The following MEI4 variants were observed in gnomAD, a reference collection of about 807,000 sequenced individuals.
MEI4 encodes meiosis-specific protein MEI4.
In MEI4, 27 loss-of-function variants were observed where a neutral mutation model predicts 31.4. The observed-to-expected ratio is 0.86, with a 90% CI of 0.63 to 1.19. MEI4 has a LOEUF of 1.19. Among genes scored for constraint, MEI4 ranks in the 50% most tolerant of loss-of-function variants. MEI4 has a pLI of 0.00. For missense variants in MEI4, 329 were observed against 398.9 expected (o/e 0.82, Z 1.49); for synonymous variants, 122 against 145.4 (o/e 0.84, Z 1.16).
intron 2 of MEI4, among the ~76,000 whole-genome samples, chr6:77,744,363 G>T (rs531153687): frequency 3.5e-4 from 53 of 152,158 alleles, no homozygotes; most frequent in African/African-American, 1.3e-3. Flanking sequence ...GGAAGAAAGG[G>T]TATCAGTGAT....
intron 4 of MEI4, among the ~76,000 whole-genome samples, chr6:77,901,882 T>C (rs914839242): frequency 6.6e-6 from 1 of 152,134 alleles, no homozygotes; most frequent in African/African-American, 2.4e-5. Context: ...AGTTGATTTT[T>C]GTATATGGTG....
chr6:77,678,252 T>A (rs916252042), intron 1 of MEI4, among the ~76,000 whole-genome samples: 2 of 152,232 alleles, frequency 1.3e-5, no homozygotes, highest in African/African-American at 4.8e-5. Flanking sequence ...AGATGTCCCT[T>A]CTGCTGCTAT....
intron 1 of MEI4, among the ~76,000 whole-genome samples, chr6:77,686,254 G>A (rs1769051749): frequency 6.6e-6 from 1 of 152,062 alleles, no homozygotes; most frequent in Non-Finnish European, 1.5e-5. Flanking sequence ...TTATTGCAGT[G>A]CAAAATGGAC....
Position 77,812,609 on chromosome 6 carries a change from C to T in MEI4, c.769-16322C>T, listed in dbSNP as rs573780140. On this transcript the variant is annotated intron_variant, in intron 3 of 4. Transcript: ENST00000684080. ...TCATGGGTGATACAAAGTTTGACTC[C>T]TTGATGGTGGAGGGCTGGAGAGCTT... Among the ~76,000 whole-genome samples the T allele has an allele frequency of 2.6e-5, 4 of 152,158 alleles. No homozygotes were observed. The East Asian group carries it at 7.7e-4, about 29-fold the overall frequency.
chr6:77,768,567 G>T (rs557917592), intron 3 of MEI4, among the ~76,000 whole-genome samples: 1 of 152,004 alleles, frequency 6.6e-6, no homozygotes, highest in African/African-American at 2.4e-5. Flanking sequence ...AGACATGGTG[G>T]CATGCACCTG....
chr6:77,824,263 T>C (rs993776635), intron 3 of MEI4, among the ~76,000 whole-genome samples: 2 of 152,188 alleles, frequency 1.3e-5, no homozygotes, highest in African/African-American at 4.8e-5. Flanking sequence ...CTAATTTTTG[T>C]ATTTTTAGTA....
chr6:77,708,168 C>T (rs1766372869), intron 2 of MEI4, among the ~76,000 whole-genome samples: 1 of 152,336 alleles, frequency 6.6e-6, no homozygotes, highest in South Asian at 2.1e-4. Context: ...AGGCACTCAA[C>T]TCTAACCAGT....
chr6:77,740,814 A>G (rs1767381251), intron 2 of MEI4, among the ~76,000 whole-genome samples: 2 of 151,760 alleles, frequency 1.3e-5, no homozygotes, highest in African/African-American at 4.8e-5. Flanking sequence ...ATATATTTTG[A>G]AAAAAATATA....
intron 2 of MEI4, among the ~76,000 whole-genome samples, chr6:77,728,190 AT>A (rs1409187461): frequency 6.6e-6 from 1 of 152,186 alleles, no homozygotes; most frequent in African/African-American, 2.4e-5. Flanking sequence ...TTAAAAAAAT[AT>A]TTTTCAATAC....
At chr6:77,859,485 A>T (rs1403915510) in intron 4 of MEI4, among the ~76,000 whole-genome samples, 1 of 152,192 alleles carries the variant, frequency 6.6e-6, no homozygotes, top group Non-Finnish European at 1.5e-5. Flanking sequence ...TCCCACCAAC[A>T]GTGTAAAAGC....
chr6:77,708,427 G>A (rs142809947), intron 2 of MEI4, among the ~76,000 whole-genome samples: 2 of 152,328 alleles, frequency 1.3e-5, no homozygotes, highest in East Asian at 3.9e-4. Context: ...ATAGGTAGAA[G>A]GAACTTGTCT....
At chr6:77,786,745 T>A (rs946787261) in intron 3 of MEI4, among the ~76,000 whole-genome samples, 3 of 152,174 alleles carry the variant, frequency 2.0e-5, no homozygotes, top group African/African-American at 7.2e-5. Flanking sequence ...AAAGCTTCTT[T>A]ATGCCATTAG....
intron 4 of MEI4, among the ~76,000 whole-genome samples, chr6:77,872,626 A>G (rs62425092): frequency 0.28 from 42,756 of 150,630 alleles, 6,710 homozygotes; most frequent in South Asian, 0.38. Context: ...CATGTGCACA[A>G]TGTGCAGGTT....
rs963768810 is a variant in MEI4 at position 77,736,202 on chromosome 6, G to A, written c.233-24928G>A. 3.3e-5 allele frequency among the ~76,000 whole-genome samples: 5 copies of A among 152,042 alleles called. No homozygotes were observed. In the East Asian group the frequency reaches 9.7e-4, roughly 29 times the overall value. On this transcript the variant is annotated intron_variant, in intron 2 of 4. Transcript: ENST00000684080. ...AGGCTGCTTTGTTTACCCTAAGCAA[G>A]CCTGGGCAATGGCGGGCGCCCCTCC...
At chr6:77,741,247 G>A (rs1245937557) in intron 2 of MEI4, among the ~76,000 whole-genome samples, 1 of 152,144 alleles carries the variant, frequency 6.6e-6, no homozygotes, top group Non-Finnish European at 1.5e-5. Flanking sequence ...AAGGACGAAG[G>A]GGCCACACAG....
chr6:77,816,278 AT>A (rs1310299052), intron 3 of MEI4, among the ~76,000 whole-genome samples: 2 of 152,090 alleles, frequency 1.3e-5, no homozygotes, highest in South Asian at 2.1e-4. Context: ...TCATTAGTAT[AT>A]TTCATTGTTT....
At position 77,773,940 on chromosome 6, in the gene MEI4, A is replaced by T. The variant is rs184688364; in HGVS notation, c.768+12275A>T. Among the ~76,000 whole-genome samples the T allele has an allele frequency of 4.6e-3, 701 of 152,236 alleles. 6 individuals are homozygous for T. The highest frequency in any genetic ancestry group is 0.021 in the South Asian group (103 of 4,828). ...CTCAATGTCATTGATCATCAGGAAA[A>T]TGCAAATTAAAACGATAATGAGATG... On this transcript the variant is annotated intron_variant, in intron 3 of 4. Coordinates refer to ENST00000684080, the MANE Select transcript of MEI4 (RefSeq NM_001322247.2).
At chr6:77,848,325 T>C (rs1334104281) in intron 4 of MEI4, among the ~76,000 whole-genome samples, 11 of 152,110 alleles carry the variant, frequency 7.2e-5, no homozygotes, top group African/African-American at 2.4e-4. Flanking sequence ...AGGCCAGCCA[T>C]TTCTTCACTG....
intron 2 of MEI4, among the ~76,000 whole-genome samples, chr6:77,729,875 A>G (rs988629008): frequency 6.6e-6 from 1 of 152,184 alleles, no homozygotes; most frequent in Non-Finnish European, 1.5e-5. Flanking sequence ...TCTGATTTTC[A>G]ATAAAGAAAG....
Sources: allele counts gnomAD v4.1 joint callset (sites outside exome capture counted in the v4.1 genomes callset), GRCh38; gene constraint gnomAD v4.1.1; transcripts MANE v1.5; gene names NCBI Gene and HGNC (gene_info 2026-07-23, HGNC 2026-07-21).